Variants in GRM3 observed in about 807,000 individuals in gnomAD.
The protein encoded by GRM3 is metabotropic glutamate receptor 3.
In GRM3, 26 loss-of-function variants were observed where a neutral mutation model predicts 70.5. The ratio of observed to expected loss-of-function variants is 0.37; its 90% CI spans 0.27 to 0.51. The LOEUF is 0.51. Ranked by LOEUF, GRM3 falls within the 20% of genes least tolerant of loss-of-function variation. The pLI is 0.93. For synonymous variants in GRM3, 443 were observed against 434.9 expected (o/e 1.02, Z -0.23); for missense variants, 859 against 1,123.8 (o/e 0.76, Z 3.37).
intron 3 of GRM3, among the ~76,000 whole-genome samples, chr7:86,792,413 G>A (rs1757385708): frequency 6.6e-6 from 1 of 152,158 alleles, no homozygotes; most frequent in Admixed American, 6.5e-5. Context: ...ATAACTGCCA[G>A]AAGTGCCCCA....
In GRM3 at chr7:86,839,913, T is replaced by A. The variant is rs1035026857; in HGVS notation, c.2391+8T>A. 1 of 1,440,216 alleles carries A rather than the reference T, an allele frequency of 6.9e-7. No homozygotes were observed. Among genetic ancestry groups the A allele is most frequent in the Non-Finnish European group, 9.8e-7 (1 of 1,023,234 alleles). 89.2% of individuals were successfully genotyped at this position (1,440,216 alleles called of 1,614,324 possible). ...ACATCAAGTGACTACAGAGTAAGTC[T>A]TTGATTGTTTCTTATTTTTCTTGTT... On this transcript the variant is annotated splice_region_variant and intron_variant, in intron 4 of 5. Coordinates refer to ENST00000361669, the MANE Select transcript of GRM3 (RefSeq NM_000840.3). The surrounding 1 kb of genome is among the most constrained non-coding windows in gnomAD (Gnocchi z 4.5).
intron 1 of GRM3, among the ~76,000 whole-genome samples, chr7:86,707,686 T>G (rs1795091351): frequency 6.6e-6 from 1 of 152,052 alleles, no homozygotes; most frequent in African/African-American, 2.4e-5. Context: ...TATTATTACA[T>G]AAAATGGTTG....
chr7:86,697,559 T>C (rs1310687579), intron 1 of GRM3, among the ~76,000 whole-genome samples: 1 of 152,112 alleles, frequency 6.6e-6, no homozygotes, highest in African/African-American at 2.4e-5. Context: ...CCCCACGTTA[T>C]CAATTTTCCT....
chr7:86,700,546 C>T (rs1794924361), intron 1 of GRM3, among the ~76,000 whole-genome samples: 1 of 151,894 alleles, frequency 6.6e-6, no homozygotes, highest in East Asian at 1.9e-4. Flanking sequence ...AACCCTACAC[C>T]TGTCTTGGAA....
At chr7:86,653,821 A>G (rs1162108318) in intron 1 of GRM3, among the ~76,000 whole-genome samples, 1 of 152,126 alleles carries the variant, frequency 6.6e-6, no homozygotes, top group Non-Finnish European at 1.5e-5. Context: ...TATTAGAAAG[A>G]TAAGTTACTA....
chr7:86,823,791 C>T (rs978164615), intron 3 of GRM3, among the ~76,000 whole-genome samples: 1 of 152,050 alleles, frequency 6.6e-6, no homozygotes, highest in Non-Finnish European at 1.5e-5. Context: ...CTTAAAAAGA[C>T]TTCTCTGATA....
At chr7:86,684,098 G>C (rs1018582612) in intron 1 of GRM3, among the ~76,000 whole-genome samples, 1 of 151,812 alleles carries the variant, frequency 6.6e-6, no homozygotes, top group Admixed American at 6.6e-5. Flanking sequence ...TTCGTGGTCT[G>C]AAACTGTTTC....
chr7:86,668,456 C>T (rs924367030), intron 1 of GRM3, among the ~76,000 whole-genome samples: 4 of 152,082 alleles, frequency 2.6e-5, no homozygotes, highest in African/African-American at 4.8e-5. Flanking sequence ...TCTATCCACC[C>T]CATTGGACTG....
At chr7:86,769,948 C>T (rs1796697309) in intron 2 of GRM3, among the ~76,000 whole-genome samples, 1 of 152,122 alleles carries the variant, frequency 6.6e-6, no homozygotes. Context: ...CTCCATAAGC[C>T]TGCAATCCAC....
At chr7:86,771,758 T>A (rs935224379) in intron 2 of GRM3, among the ~76,000 whole-genome samples, 2 of 151,858 alleles carry the variant, frequency 1.3e-5, no homozygotes, top group African/African-American at 4.8e-5. Flanking sequence ...TACAGGGAGA[T>A]CAGAAAGAAG....
intron 1 of GRM3, among the ~76,000 whole-genome samples, chr7:86,696,057 T>G (rs1200656064): frequency 6.6e-6 from 1 of 152,222 alleles, no homozygotes; most frequent in East Asian, 1.9e-4. Context: ...AAACACTTGC[T>G]ACTCCTCTAC....
chr7:86,694,274 C>T (rs1292478769), intron 1 of GRM3, among the ~76,000 whole-genome samples: 1 of 151,910 alleles, frequency 6.6e-6, no homozygotes, highest in African/African-American at 2.4e-5. Flanking sequence ...GCCTGTAATT[C>T]CAGCACTTTG....
chr7:86,740,281 A>T (rs1057500091), intron 1 of GRM3, among the ~76,000 whole-genome samples: 1 of 152,204 alleles, frequency 6.6e-6, no homozygotes, highest in South Asian at 2.1e-4. Context: ...AGGAGGAAGA[A>T]GTAAGTGTAT....
At chr7:86,804,889 G>C (rs1158162968) in intron 3 of GRM3, among the ~76,000 whole-genome samples, 2 of 152,184 alleles carry the variant, frequency 1.3e-5, no homozygotes, top group Non-Finnish European at 1.5e-5. Context: ...GAGGCTGGAG[G>C]ATTGCTTAAG....
intron 5 of GRM3, among the ~76,000 whole-genome samples, chr7:86,863,783 G>A (rs1799005103): frequency 6.6e-6 from 1 of 152,202 alleles, no homozygotes; most frequent in South Asian, 2.1e-4. Flanking sequence ...TTTGCACATT[G>A]TATTTAAACC....
rs1364426685 is a variant in GRM3 at position 86,644,373 on chromosome 7, C to A, written c.-640C>A. On this transcript the variant is annotated 5_prime_UTR_variant, in exon 1 of 6. It introduces an in-frame stop codon into an upstream open reading frame of the 5' UTR. Transcript: ENST00000361669. ...AGGAGAGGATGCCAGGAGGTCCGTGCTTCTGCCAAGAGTCCCAATTAGATG... is the reference window on the plus strand; with the variant it reads ...AGGAGAGGATGCCAGGAGGTCCGTGATTCTGCCAAGAGTCCCAATTAGATG... 6.8e-6 allele frequency: 2 copies of A among 295,596 alleles called. No individual in the cohort carries two copies. Among genetic ancestry groups the A allele is most frequent in the Non-Finnish European group, 1.3e-5 (2 of 152,164 alleles). The allele number at this position is 295,596 out of a possible 1,614,324, so 18.3% of individuals were successfully genotyped here. A position where few individuals can be genotyped will look rare whatever the true frequency, so the allele number is the denominator to read the frequency against.
At chr7:86,721,093 A>C (rs1289666023) in intron 1 of GRM3, among the ~76,000 whole-genome samples, 1 of 152,030 alleles carries the variant, frequency 6.6e-6, no homozygotes, top group African/African-American at 2.4e-5. Context: ...GGCCGCTAAC[A>C]CACACCTTGT....
chr7:86,693,010 G>A (rs1329263983), intron 1 of GRM3, among the ~76,000 whole-genome samples: 1 of 152,138 alleles, frequency 6.6e-6, no homozygotes, highest in Non-Finnish European at 1.5e-5. Flanking sequence ...GTTTTCAGAT[G>A]CTGGTAATAT....
intron 1 of GRM3, among the ~76,000 whole-genome samples, chr7:86,753,607 T>C (rs1489969406): frequency 6.6e-6 from 1 of 152,164 alleles, no homozygotes; most frequent in Non-Finnish European, 1.5e-5. Context: ...CTCTTCTATT[T>C]CCTTTTAAAA....
Sources: gnomAD v4.1 joint callset for allele counts (sites outside exome capture counted in the v4.1 genomes callset) on GRCh38, gnomAD v4.1.1 for gene constraint, Gnocchi (gnomAD v3.1) non-coding constraint, MANE v1.5 for transcripts, NCBI Gene and HGNC (gene_info 2026-07-23, HGNC 2026-07-21) for gene names.